SPEG: variants seen among roughly 807,000 people sequenced by gnomAD.
SPEG encodes the protein striated muscle enriched protein kinase, also known as striated muscle preferentially expressed protein kinase.
SPEG carries 114 observed loss-of-function variants against 300.4 expected under a neutral mutation model. The observed-to-expected ratio is 0.38, with a 90% CI of 0.33 to 0.44. The LOEUF (loss-of-function observed/expected upper bound fraction) is 0.44, where lower values mean the gene tolerates loss of function less well. SPEG is among the 20% of genes least tolerant of loss of function. SPEG has a pLI of 1.00. For synonymous variants in SPEG, 1,964 were observed against 2,018.9 expected (o/e 0.97, Z 0.73); for missense variants, 4,201 against 4,586.2 (o/e 0.92, Z 2.43).
intron 6 of SPEG, among the ~76,000 whole-genome samples, chr2:219,454,941 A>C (rs1017826120): frequency 6.6e-6 from 1 of 152,166 alleles, no homozygotes; most frequent in African/African-American, 2.4e-5. Context: ...TAAAAATACA[A>C]AAATTAGCCA....
Position 219,451,531 on chromosome 2 carries a change from G to A in SPEG, c.2258-94G>A. 1 of 1,301,592 alleles carries A rather than the reference G, an allele frequency of 7.7e-7. No homozygotes were observed. Among genetic ancestry groups the A allele is most frequent in the East Asian group, 2.6e-5 (1 of 37,894 alleles). The allele number at this position is 1,301,592 out of a possible 1,614,324, so 80.6% of individuals were successfully genotyped here. On this transcript the variant is annotated intron_variant, in intron 5 of 40. Transcript: ENST00000312358. This position sits in a 1 kb window ranked among gnomAD's most constrained non-coding sequence, Gnocchi z 6.4. ...ATTCCCTGGGGTGCTGAGAGGAGAG[G>A]TTTGGTCTCCTGTGTGGTGTGTGGG... is the stretch of plus-strand genomic sequence containing the variant.
Position 219,448,131 on chromosome 2 carries a change from C to T in SPEG, c.973C>T (p.Pro325Ser), listed in dbSNP as rs1438252945. 6.2e-7 allele frequency: 1 copy of T among 1,605,200 alleles called. No individual in the cohort carries two copies. The change falls in exon 4 of 41, where the codon CCG (proline) becomes TCG (serine). Residue 325 changes from proline (P) to serine (S), a missense_variant. By Grantham distance (74) the Pro-to-Ser change is moderately conservative. Around this residue, in one of 4 missense-constraint regions of SPEG, gnomAD observed 1,258 missense variants for 1,293.9 expected, o/e 0.97. Coordinates refer to ENST00000312358, the MANE Select transcript of SPEG (RefSeq NM_005876.5). ...CGGGAAGCGGTCCCCGCCGGGACCC[C>T]CGGCCCAGCCCGCGGCCACCCCCAC... ...RVGKRSPPGPPAQPAATPTSP... is the reference protein window; with the variant it reads ...RVGKRSPPGPSAQPAATPTSP...
chr2:219,465,827 A>C, intron 9 of SPEG: 1 of 591,698 alleles, frequency 1.7e-6, no homozygotes, highest in East Asian at 3.0e-5. Flanking sequence ...GTGCGTGCGC[A>C]TGCGTGCGTG....
chr2:219,477,269 C>T lies in SPEG; in HGVS notation c.4561-8C>T. 6.2e-7 allele frequency: 1 copy of T among 1,606,290 alleles called. No homozygotes were observed. The highest frequency in any genetic ancestry group is 8.5e-7 in the Non-Finnish European group (1 of 1,177,604). On this transcript the variant is annotated splice_polypyrimidine_tract_variant and splice_region_variant and intron_variant, in intron 19 of 40. Coordinates refer to ENST00000312358, the MANE Select transcript of SPEG (RefSeq NM_005876.5). The surrounding 1 kb of genome is among the most constrained non-coding windows in gnomAD (Gnocchi z 6.4). ...GGCCCAGGCTGAAGGTGAGACCCCACTCTGCAGGACGAGGTGCTGCTGACC... is the reference window on the plus strand; with the variant it reads ...GGCCCAGGCTGAAGGTGAGACCCCATTCTGCAGGACGAGGTGCTGCTGACC...
In SPEG at chr2:219,468,855, G is replaced by T; in HGVS notation, c.3302-4G>T. On this transcript the variant is annotated splice_polypyrimidine_tract_variant and splice_region_variant and intron_variant, in intron 11 of 40. Coordinates refer to ENST00000312358, the MANE Select transcript of SPEG (RefSeq NM_005876.5). ...CTCTGCATTCCCACCCCTCCTTTCT[G>T]CAGGCTGCCCCATGGAGGAGAGTGA... 6.2e-7 allele frequency: 1 copy of T among 1,610,412 alleles called. No individual in the cohort carries two copies. The highest frequency in any genetic ancestry group is 1.1e-5 in the South Asian group (1 of 90,722).
Position 219,482,795 on chromosome 2 carries a change from G to C in SPEG, c.5577G>C (p.Lys1859Asn). Residue 1859 changes from lysine to asparagine, a missense_variant, in exon 29 of 41, where the codon AAG becomes AAC. Lys to Asn is a moderately conservative substitution (Grantham distance 94). This residue lies in a region of SPEG where 1,578 missense variants were observed against 1,506.0 expected (regional missense o/e 1.05). Transcript: ENST00000312358. Reference protein sequence around the residue: ...LEHPWFKTQAKGAEVSTDHLK... With the variant: ...LEHPWFKTQANGAEVSTDHLK... ...TCCTGGGTTTGCAGACTCAGGCAAA[G>C]GGCGCAGAGGTGAGCACGGATCACC... 6.2e-7 allele frequency: 1 copy of C among 1,613,842 alleles called. No individual in the cohort carries two copies. The highest frequency in any genetic ancestry group is 2.2e-5 in the East Asian group (1 of 44,876).
chr2:219,481,248 TG>T lies in SPEG; in HGVS notation c.5370-55del, dbSNP rs763392834. On this transcript the variant is annotated intron_variant, in intron 26 of 40. Coordinates refer to ENST00000312358, the MANE Select transcript of SPEG (RefSeq NM_005876.5). The surrounding 1 kb of genome is among the most constrained non-coding windows in gnomAD (Gnocchi z 5.4). ...TCTGTCCCCAGCCCTGTGCCCCCAC[TG>T]ACATTCCCCTTTGTCCCCGCCTGCC... 1.1e-4 allele frequency: 173 copies of T among 1,570,336 alleles called. No individual in the cohort carries two copies. The highest frequency in any genetic ancestry group is 1.4e-4 in the Non-Finnish European group (159 of 1,148,936).
chr2:219,476,936 C>T lies in SPEG; in HGVS notation c.4514C>T (p.Ala1505Val), dbSNP rs376625081. 2.5e-6 allele frequency: 4 copies of T among 1,607,550 alleles called. No individual in the cohort carries two copies. The highest frequency in any genetic ancestry group is 2.3e-5 in the East Asian group (1 of 44,440). Residue 1505 changes from alanine to valine, a missense_variant, in exon 19 of 41, where the codon GCG (alanine) becomes GTG (valine). Physicochemically the swap from Ala to Val is moderately conservative, Grantham distance 64. Around this residue, in one of 4 missense-constraint regions of SPEG, gnomAD observed 1,047 missense variants for 1,356.8 expected, o/e 0.77. Transcript: ENST00000312358. ...GGGGCTGGGGAAACTGCTCGCTTTGCGGTGGTGGTCGAGGGAAAACCACTG... is the reference window on the plus strand; with the variant it reads ...GGGGCTGGGGAAACTGCTCGCTTTGTGGTGGTGGTCGAGGGAAAACCACTG... ...EVGAGETARF[A>V]VVVEGKPLPD...
At position 219,493,138 on chromosome 2, in the gene SPEG, G is replaced by A; in HGVS notation, c.*352G>A. Reference sequence around the variant, plus strand: ...GTTGGGGGTCAGTGCATCTCAGGGAGAACCAAGGAAGGTGGGCATGGCTGG... The same window carrying A: ...GTTGGGGGTCAGTGCATCTCAGGGAAAACCAAGGAAGGTGGGCATGGCTGG... On this transcript the variant is annotated 3_prime_UTR_variant, in exon 41 of 41. Coordinates refer to ENST00000312358, the MANE Select transcript of SPEG (RefSeq NM_005876.5). 2.0e-6 allele frequency: 1 copy of A among 490,902 alleles called. No homozygotes were observed. The highest frequency in any genetic ancestry group is 2.7e-5 in the Admixed American group (1 of 36,822). The allele number at this position is 490,902 out of a possible 1,614,324, so 30.4% of individuals were successfully genotyped here. A position where few individuals can be genotyped will look rare whatever the true frequency, so the allele number is the denominator to read the frequency against.
At position 219,476,852 on chromosome 2, in the gene SPEG, T is replaced by G. The variant is rs775919499; in HGVS notation, c.4448-18T>G. 6.3e-7 allele frequency: 1 copy of G among 1,598,430 alleles called. No individual in the cohort carries two copies. The highest frequency in any genetic ancestry group is 8.6e-7 in the Non-Finnish European group (1 of 1,166,370). On this transcript the variant is annotated intron_variant, in intron 18 of 40. Coordinates refer to ENST00000312358, the MANE Select transcript of SPEG (RefSeq NM_005876.5). ...CCCTAGCCCCTTCTCTTCCCACCCC[T>G]ATCCCCATGTGTTTCAGAGGCCCCT...
chr2:219,438,474 G>A (rs143931041), intron 1 of SPEG, among the ~76,000 whole-genome samples: 6 of 152,260 alleles, frequency 3.9e-5, no homozygotes, highest in South Asian at 2.1e-4. Flanking sequence ...ATCTTTCTCC[G>A]TCAATATCTC....
Position 219,483,410 on chromosome 2 carries a change from G to T in SPEG, c.5947G>T (p.Asp1983Tyr). Residue 1983 changes from aspartate to tyrosine, a missense_variant, in exon 30 of 41, where the codon GAC (aspartate) becomes TAC (tyrosine). By Grantham distance (160) the Asp-to-Tyr change is radical (BLOSUM62 -3). Around this residue, in one of 4 missense-constraint regions of SPEG, gnomAD observed 1,578 missense variants for 1,506.0 expected, o/e 1.05. Coordinates refer to ENST00000312358, the MANE Select transcript of SPEG (RefSeq NM_005876.5). The stretch of plus-strand genomic sequence containing the variant: ...GGAGCAGGGAAGGGCTCCCTCTCAG[G>T]ACCAGGAGGCTCCCAGCCCAGAGGC... Reference protein sequence around the residue: ...WQEQGRAPSQDQEAPSPEALP... With the variant: ...WQEQGRAPSQYQEAPSPEALP... The T allele has an allele frequency of 6.3e-7, 1 of 1,586,346 alleles. No homozygotes were observed. Among genetic ancestry groups the T allele is most frequent in the Non-Finnish European group, 8.5e-7 (1 of 1,172,450 alleles).
Position 219,485,061 on chromosome 2 carries a change from C to G in SPEG, c.7598C>G (p.Ser2533Trp). ...CTGGGCTCCGAGGCCAGCGCCACGTCGGGCTCCTCAGGTGAGGAGGGGCAG... is the reference window on the plus strand; with the variant it reads ...CTGGGCTCCGAGGCCAGCGCCACGTGGGGCTCCTCAGGTGAGGAGGGGCAG... Reference protein sequence around the residue: ...ESLGSEASATSGSSAPGESRS... With the variant: ...ESLGSEASATWGSSAPGESRS... Residue 2533 changes from serine to tryptophan, a missense_variant, in exon 30 of 41, where the codon TCG becomes TGG. By Grantham distance (177) the Ser-to-Trp change is radical. Around this residue, in one of 4 missense-constraint regions of SPEG, gnomAD observed 1,578 missense variants for 1,506.0 expected, o/e 1.05. Coordinates refer to ENST00000312358, the MANE Select transcript of SPEG (RefSeq NM_005876.5). 9 of 1,532,556 alleles carry G rather than the reference C, an allele frequency of 5.9e-6. No individual in the cohort carries two copies. Among genetic ancestry groups the G allele is most frequent in the Non-Finnish European group, 7.9e-6 (9 of 1,145,980 alleles). 94.9% of individuals were successfully genotyped at this position (1,532,556 alleles called of 1,614,324 possible). A position where few individuals can be genotyped will look rare whatever the true frequency, so the allele number is the denominator to read the frequency against.
Position 219,448,872 on chromosome 2 carries a change from A to C in SPEG, c.1714A>C (p.Arg572=). The stretch of plus-strand genomic sequence containing the variant: ...GCCGGGGGACGAGCCTGGGAGGCCC[A>C]GGAGCCGCGGGCCGGCGGGCAGGAC... ...EKPGDEPGRP[R]SRGPAGRTEP... Residue 572 remains arginine (R), a synonymous_variant, in exon 4 of 41, where the codon AGG becomes CGG. Transcript: ENST00000312358. 1 of 1,406,970 alleles carries C rather than the reference A, an allele frequency of 7.1e-7. No homozygotes were observed. The highest frequency in any genetic ancestry group is 9.2e-7 in the Non-Finnish European group (1 of 1,089,196). The allele number at this position is 1,406,970 out of a possible 1,614,324, so 87.2% of individuals were successfully genotyped here.
In SPEG at chr2:219,448,186, T is replaced by G. The variant is rs1371226187; in HGVS notation, c.1028T>G (p.Val343Gly). Residue 343 changes from valine to glycine, a missense_variant, in exon 4 of 41, where the codon GTG (valine) becomes GGG (glycine). Val to Gly is a moderately radical substitution (Grantham distance 109, BLOSUM62 -3). Around this residue, in one of 4 missense-constraint regions of SPEG, gnomAD observed 1,258 missense variants for 1,293.9 expected, o/e 0.97. Coordinates refer to ENST00000312358, the MANE Select transcript of SPEG (RefSeq NM_005876.5). ...CCCCACCGTCGCACTCAGGAGCCTG[T>G]GCTGCCCGAGGACACCACCACCGAA... ...TSPHRRTQEP[V>G]LPEDTTTEEK... The G allele has an allele frequency of 6.2e-7, 1 of 1,612,238 alleles. No individual in the cohort carries two copies. Among genetic ancestry groups the G allele is most frequent in the Non-Finnish European group, 8.5e-7 (1 of 1,179,544 alleles).
chr2:219,451,483 A>C lies in SPEG; in HGVS notation c.2258-142A>C. The C allele has an allele frequency of 8.8e-7, 1 of 1,136,064 alleles. No individual in the cohort carries two copies. The highest frequency in any genetic ancestry group is 1.8e-5 in the South Asian group (1 of 56,696). 70.4% of individuals were successfully genotyped at this position (1,136,064 alleles called of 1,614,324 possible). On this transcript the variant is annotated intron_variant, in intron 5 of 40. Transcript: ENST00000312358. The surrounding 1 kb of genome is among the most constrained non-coding windows in gnomAD (Gnocchi z 6.4). ...GAAGGGAGGGCAACCTGAGCTTCCC[A>C]AAATGAGGGCGGACTCTTCCAGATT... is the stretch of plus-strand genomic sequence containing the variant.
At chr2:219,490,264 G>A in intron 36 of SPEG, 145 bp from the exon 37 acceptor site, 1 of 1,217,964 alleles carries the variant, frequency 8.2e-7, no homozygotes, top group Non-Finnish European at 1.1e-6. Context: ...TCGAACCCTG[G>A]TTTCTAGGAT....
rs1426673299 is a variant in SPEG at position 219,485,353 on chromosome 2, G to A, written c.7617G>A (p.Gly2539=). The part of the protein sequence containing the change: ...ASATSGSSAP[G]ESRSRLRWGF... ...GGGCCTGAGTCTTCACAGCCCCAGG[G>A]GAAAGCCGAAGCCGGCTCCGCTGGG... Residue 2539 remains glycine, a synonymous_variant, in exon 31 of 41, where the codon GGG becomes GGA. Coordinates refer to ENST00000312358, the MANE Select transcript of SPEG (RefSeq NM_005876.5). 1.2e-6 allele frequency: 2 copies of A among 1,606,146 alleles called. No homozygotes were observed. Among genetic ancestry groups the A allele is most frequent in the African/African-American group, 2.7e-5 (2 of 74,448 alleles).
In SPEG at chr2:219,473,484, C is replaced by CT; in HGVS notation, c.4148-19dup. The CT allele has an allele frequency of 6.2e-7, 1 of 1,612,884 alleles. No homozygotes were observed. The highest frequency in any genetic ancestry group is 8.5e-7 in the Non-Finnish European group (1 of 1,179,456). On this transcript the variant is annotated intron_variant, in intron 16 of 40. Transcript: ENST00000312358. This position sits in a 1 kb window ranked among gnomAD's most constrained non-coding sequence, Gnocchi z 4.6. ...CCTGATGTCAAGCCCAGCACAGAGC[C>CT]TGCGCTCTCCTCCTCCCAGGCCCAA...
Sources: gnomAD v4.1 joint callset for allele counts (sites outside exome capture counted in the v4.1 genomes callset) on GRCh38, gnomAD v4.1.1 for gene constraint, gnomAD v4.1.1 regional missense constraint, Gnocchi (gnomAD v3.1) non-coding constraint, MANE v1.5 for transcripts, NCBI Gene and HGNC (gene_info 2026-07-23, HGNC 2026-07-21) for gene names.